Variants in KRT4 observed in about 807,000 individuals in gnomAD.
KRT4 encodes keratin 4.
A neutral mutation model predicts 50.6 loss-of-function variants in KRT4; 47 were observed. The observed-to-expected ratio is 0.93, with a 90% CI of 0.73 to 1.18. The LOEUF (loss-of-function observed/expected upper bound fraction) is 1.18. Among genes scored for constraint, KRT4 ranks in the 50% most tolerant of loss-of-function variants. The pLI, the probability that KRT4 is intolerant of heterozygous loss-of-function variation, is 0.00. For synonymous variants in KRT4, 254 were observed against 251.2 expected (o/e 1.01, Z -0.10); for missense variants, 651 against 645.7 (o/e 1.01, Z -0.09).
At chr12:52,807,291 C>A (rs938592926) in intron 8 of KRT4, 41 bp from the exon 9 acceptor site, 4 of 1,614,206 alleles carry the variant, frequency 2.5e-6, no homozygotes, top group Non-Finnish European at 3.4e-6. Context: ...TCCAATGCTG[C>A]CAGCACCCCA....
At chr12:52,812,272 C>T (rs930940985) in intron 1 of KRT4, among the ~76,000 whole-genome samples, 2 of 152,138 alleles carry the variant, frequency 1.3e-5, no homozygotes, top group African/African-American at 4.8e-5. Flanking sequence ...CCCAAAGCCC[C>T]AAAGAACATT....
In KRT4 at chr12:52,809,692, T is replaced by C. The variant is rs7976128; in HGVS notation, c.739-214A>G. 0.12 allele frequency among the ~76,000 whole-genome samples: 17,681 copies of C among 152,246 alleles called. 1,104 individuals are homozygous for C. Among genetic ancestry groups the C allele is most frequent in the South Asian group, 0.17 (806 of 4,818 alleles). On this transcript the variant is annotated intron_variant, in intron 3 of 8. Transcript: ENST00000551956. ...ATCCAAATAGGCTATTCTAACAGTA[T>C]GGAGATCTCTCAAAGAACTAAAAAT...
intron 2 of KRT4, chr12:52,811,559 C>T (rs2121253337): frequency 1.7e-6 from 1 of 592,524 alleles, no homozygotes; most frequent in East Asian, 2.9e-5. Context: ...CTGAATCTAT[C>T]ATTAAATTTC....
intron 1 of KRT4, 144 bp from the exon 2 acceptor site, chr12:52,812,121 G>T (rs1392396988): frequency 1.4e-6 from 1 of 705,582 alleles, no homozygotes; most frequent in Non-Finnish European, 2.5e-6. Flanking sequence ...GCATCTCCAG[G>T]GCACCATTCA....
intron 4 of KRT4, 70 bp from the exon 5 acceptor site, chr12:52,808,920 G>A (rs978115732): frequency 3.3e-6 from 5 of 1,524,212 alleles, no homozygotes; most frequent in Non-Finnish European, 2.7e-6. Flanking sequence ...GCTCAAGTAG[G>A]AGCAGAGCTG....
rs1018125268 is a variant in KRT4 at position 52,806,665 on chromosome 12, G to A, written c.*404C>T. On this transcript the variant is annotated 3_prime_UTR_variant, in exon 9 of 9. Coordinates refer to ENST00000551956, the MANE Select transcript of KRT4 (RefSeq NM_002272.4). ...TAAGCTTGCAGGGCCAAGTGCTGCC[G>A]GGTGTTGGAGAAGTAGTTTGGTTCT... 5.4e-5 allele frequency: 15 copies of A among 278,112 alleles called. 2 individuals are homozygous for A. Among genetic ancestry groups the A allele is most frequent in the South Asian group, 4.6e-4 (10 of 21,742 alleles). 17.2% of individuals were successfully genotyped at this position (278,112 alleles called of 1,614,324 possible).
intron 6 of KRT4, 151 bp from the exon 7 acceptor site, chr12:52,808,015 C>A: frequency 1.2e-6 from 1 of 802,918 alleles, no homozygotes; most frequent in Non-Finnish European, 2.1e-6. Flanking sequence ...GCATCTCATT[C>A]ACTCCAGCCA....
intron 6 of KRT4, 105 bp downstream of exon 6, chr12:52,808,188 CA>C: frequency 6.9e-7 from 1 of 1,442,362 alleles, no homozygotes; most frequent in Non-Finnish European, 9.7e-7. Context: ...TTCCCAGCAA[CA>C]AGCTCAGGGT....
Position 52,806,923 on chromosome 12 carries a change from TG to T in KRT4, c.*145del. 1 of 828,424 alleles carries T rather than the reference TG, an allele frequency of 1.2e-6. No homozygotes were observed. The allele number at this position is 828,424 out of a possible 1,614,324, so 51.3% of individuals were successfully genotyped here. On this transcript the variant is annotated 3_prime_UTR_variant, in exon 9 of 9. Transcript: ENST00000551956. Reference sequence around the variant, plus strand: ...CCTGTCCCAGCACAGAAGATCATCCTGGGGCAGAGAGAGCCCATGGGATAGT... The same window carrying T: ...CCTGTCCCAGCACAGAAGATCATCCTGGGCAGAGAGAGCCCATGGGATAGT...
rs758810156 is a variant in KRT4 at position 52,813,644 on chromosome 12, C to T, written c.415G>A (p.Glu139Lys). ...TTGTTGTTGAGGAGCTTGATCTGTT[C>T]GCGCTCTTCCGTCCGGACTTTCTGG... Reference protein sequence around the residue: ...EIQKVRTEEREQIKLLNNKFA... With the variant: ...EIQKVRTEERKQIKLLNNKFA... The change falls in exon 1 of 9, where the codon GAA becomes AAA. Residue 139 changes from glutamate (E) to lysine (K), a missense_variant. Transcript: ENST00000551956. The T allele has an allele frequency of 3.5e-5, 56 of 1,613,838 alleles. No individual in the cohort carries two copies. The highest frequency in any genetic ancestry group is 4.7e-5 in the Non-Finnish European group (55 of 1,179,980).
intron 4 of KRT4, 161 bp downstream of exon 4, chr12:52,809,222 G>T: frequency 1.4e-6 from 1 of 704,530 alleles, no homozygotes. Flanking sequence ...TCTCCCAGTT[G>T]AATTTCCCAC....
Position 52,808,333 on chromosome 12 carries a change from G to T in KRT4, c.1086C>A (p.Ile362=). The change falls in exon 6 of 9, where the codon ATC becomes ATA. Residue 362 remains isoleucine, a synonymous_variant. Transcript: ENST00000551956. ...TCTCGATCTCTGCCCGCAGCCTCTGGATCATCCTGTTGAGCTCTGCAATTT... is the reference window on the plus strand; with the variant it reads ...TCTCGATCTCTGCCCGCAGCCTCTGTATCATCCTGTTGAGCTCTGCAATTT... The part of the protein sequence containing the change: ...KSEIAELNRM[I]QRLRAEIENI... 2 of 1,614,116 alleles carry T rather than the reference G, an allele frequency of 1.2e-6. No individual in the cohort carries two copies. Among genetic ancestry groups the T allele is most frequent in the Non-Finnish European group, 1.7e-6 (2 of 1,180,020 alleles).
At chr12:52,809,073 C>T (rs1392453062) in intron 4 of KRT4, 3 of 645,930 alleles carry the variant, frequency 4.6e-6, no homozygotes, top group Non-Finnish European at 5.6e-6. Flanking sequence ...GCAGTGAGTG[C>T]CGGTGTGTTG....
chr12:52,807,614 C>T (rs1203313956), intron 7 of KRT4, 30 bp downstream of exon 7: 1 of 1,609,474 alleles, frequency 6.2e-7, no homozygotes, highest in East Asian at 2.2e-5. Flanking sequence ...CTCTCTGGCC[C>T]TCATGTTCAC....
Position 52,807,359 on chromosome 12 carries a change from A to G in KRT4, c.1381T>C (p.Ser461Pro). 1 of 1,614,244 alleles carries G rather than the reference A, an allele frequency of 6.2e-7. No homozygotes were observed. Among genetic ancestry groups the G allele is most frequent in the South Asian group, 1.1e-5 (1 of 91,082 alleles). The change falls in exon 8 of 9, where the codon TCT becomes CCT. Residue 461 changes from serine to proline, a missense_variant and splice_region_variant. By Grantham distance (74) the Ser-to-Pro change is moderately conservative. Transcript: ENST00000551956. ...TACAGCAGGCGTGGAAGGTACTTAC[A>G]GATGCTCACGGCACTCTGGCATTCT... is the stretch of plus-strand genomic sequence containing the variant. ...SGECQSAVSI[S>P]VVSGSTSTGG...
chr12:52,807,441 G>C, intron 7 of KRT4, 48 bp from the exon 8 acceptor site: 4 of 1,608,942 alleles, frequency 2.5e-6, no homozygotes, highest in Non-Finnish European at 3.4e-6. Flanking sequence ...ACAGAATTTT[G>C]TTCAATAAGC....
Position 52,807,781 on chromosome 12 carries a change from C to A in KRT4, c.1209G>T (p.Glu403Asp). The stretch of plus-strand genomic sequence containing the variant: ...TGGCCTGCTGCAGGGCAGCCTCCAG[C>A]TCTACGCGCTTGCTGTGGGCATCTT... Reference protein sequence around the residue: ...ALKDAHSKRVELEAALQQAKE... With the variant: ...ALKDAHSKRVDLEAALQQAKE... The change falls in exon 7 of 9, where the codon GAG becomes GAT. Residue 403 changes from glutamate to aspartate, a missense_variant. Glu to Asp is a conservative substitution (Grantham distance 45, BLOSUM62 2). Transcript: ENST00000551956. 6.2e-7 allele frequency: 1 copy of A among 1,614,232 alleles called. No individual in the cohort carries two copies. Among genetic ancestry groups the A allele is most frequent in the African/African-American group, 1.3e-5 (1 of 75,068 alleles).
chr12:52,809,515 G>A (rs762514020), intron 3 of KRT4, 37 bp from the exon 4 acceptor site: 1 of 1,456,756 alleles, frequency 6.9e-7, no homozygotes, highest in South Asian at 1.1e-5. Flanking sequence ...ATGAGGAGCA[G>A]GAATGCCAGT....
chr12:52,812,009 AG>A, intron 1 of KRT4, 32 bp from the exon 2 acceptor site: 1 of 1,568,766 alleles, frequency 6.4e-7, no homozygotes, highest in East Asian at 2.3e-5. Context: ...CCAAGTGATG[AG>A]GGCCTGAAGT....
Sources: gnomAD v4.1 joint callset for allele counts (sites outside exome capture counted in the v4.1 genomes callset) on GRCh38, gnomAD v4.1.1 for gene constraint, MANE v1.5 for transcripts, NCBI Gene and HGNC (gene_info 2026-07-23, HGNC 2026-07-21) for gene names.